Variants in ARID3A observed in about 807,000 individuals in gnomAD.
The protein encoded by ARID3A is AT-rich interactive domain-containing protein 3A.
In ARID3A, 11 loss-of-function variants were observed where a neutral mutation model predicts 52.7. The ratio of observed to expected loss-of-function variants is 0.21; its 90% CI spans 0.13 to 0.35. ARID3A has a LOEUF of 0.35. Among genes scored for constraint, ARID3A ranks in the 10% least tolerant of loss-of-function variants. The pLI is 1.00. For synonymous variants in ARID3A, 404 were observed against 359.4 expected, an observed-to-expected ratio of 1.12 and a Z score of -1.40; for missense variants, 721 against 838.5, an observed-to-expected ratio of 0.86 and a Z score of 1.73.
Position 938,873 on chromosome 19 carries a change from A to G in ARID3A, c.693+6131A>G, listed in dbSNP as rs1288826068. On this transcript the variant is annotated intron_variant, in intron 3 of 8. Coordinates refer to ENST00000263620, the MANE Select transcript of ARID3A (RefSeq NM_005224.3). This position sits in a 1 kb window ranked among gnomAD's most constrained non-coding sequence, Gnocchi z 4.0. ...TTTTTGGTCTTTTTTTGGTCTTTTC[A>G]GCTCATTTGTTTTTTTTAATTGTGG... Among the ~76,000 whole-genome samples, 1 of 150,520 alleles carries G rather than the reference A, an allele frequency of 6.6e-6. No homozygotes were observed. The highest frequency in any genetic ancestry group is 2.4e-5 in the African/African-American group (1 of 40,880).
At position 929,317 on chromosome 19, in the gene ARID3A, C is replaced by A; in HGVS notation, c.-212C>A. ...CCAGCCTCTGTCCCCTGGAGCCCAG[C>A]GTGAGGAAGAGGCATGCCCCATCAG... On this transcript the variant is annotated 5_prime_UTR_variant, in exon 2 of 9. Transcript: ENST00000263620. This position sits in a 1 kb window ranked among gnomAD's most constrained non-coding sequence, Gnocchi z 6.2. 1 of 517,480 alleles carries A rather than the reference C, an allele frequency of 1.9e-6. No homozygotes were observed. Among genetic ancestry groups the A allele is most frequent in the Non-Finnish European group, 2.7e-6 (1 of 368,384 alleles). 32.1% of individuals were successfully genotyped at this position (517,480 alleles called of 1,614,324 possible).
rs952324859 is a variant in ARID3A at position 975,234 on chromosome 19, G to T, written c.*3169G>T. Reference sequence around the variant, plus strand: ...GGACCGTGGGGCCTGGCTGCGTACTGAGTGGGTGCCCCACAGTCAAGGCCA... The same window carrying T: ...GGACCGTGGGGCCTGGCTGCGTACTTAGTGGGTGCCCCACAGTCAAGGCCA... On this transcript the variant is annotated 3_prime_UTR_variant, in exon 9 of 9. Transcript: ENST00000263620. The T allele has an allele frequency of 8.6e-6, 2 of 231,764 alleles. No individual in the cohort carries two copies. Among genetic ancestry groups the T allele is most frequent in the African/African-American group, 4.4e-5 (2 of 45,242 alleles). 14.4% of individuals were successfully genotyped at this position (231,764 alleles called of 1,614,324 possible).
intron 3 of ARID3A, among the ~76,000 whole-genome samples, chr19:946,912 GC>G (rs1248857453): frequency 6.6e-6 from 1 of 151,518 alleles, no homozygotes; most frequent in African/African-American, 2.4e-5. Context: ...TCCTGCCTCA[GC>G]CCCCTGAGTA....
At chr19:950,107 CCG>C (rs2037774226) in intron 3 of ARID3A, among the ~76,000 whole-genome samples, 2 of 95,600 alleles carry the variant, frequency 2.1e-5, no homozygotes, top group African/African-American at 8.2e-5. Flanking sequence ...ATGGATGAGG[CCG>C]TCCCCAGAGT....
At chr19:943,988 C>T (rs529727724) in intron 3 of ARID3A, among the ~76,000 whole-genome samples, 4 of 125,160 alleles carry the variant, frequency 3.2e-5, no homozygotes, top group South Asian at 2.6e-4. Context: ...TATGCCAGCC[C>T]GACCCTCTCA....
intron 3 of ARID3A, chr19:957,892 C>A (rs1457144885): frequency 3.3e-5 from 5 of 151,572 alleles, no homozygotes; most frequent in African/African-American, 1.2e-4. Flanking sequence ...AGGCGGATCA[C>A]TTGAGGTCAG....
chr19:957,573 G>C (rs1377787743), intron 3 of ARID3A, among the ~76,000 whole-genome samples: 1 of 152,216 alleles, frequency 6.6e-6, no homozygotes, highest in Non-Finnish European at 1.5e-5. Context: ...GAGGGCGGTG[G>C]CTCCCGCCTG....
intron 8 of ARID3A, among the ~76,000 whole-genome samples, chr19:969,797 C>T (rs1008013117): frequency 3.3e-5 from 5 of 150,426 alleles, no homozygotes; most frequent in African/African-American, 4.9e-5. Flanking sequence ...GAGCGATTCT[C>T]CTGCCTCAGC....
At chr19:943,662 C>T (rs922553739) in intron 3 of ARID3A, among the ~76,000 whole-genome samples, 4 of 152,170 alleles carry the variant, frequency 2.6e-5, no homozygotes, top group Non-Finnish European at 4.4e-5. Flanking sequence ...GCGATGTGGC[C>T]ACAAGCCAAG....
chr19:928,324 G>A (rs1261388741), intron 1 of ARID3A: 1 of 152,148 alleles, frequency 6.6e-6, no homozygotes, highest in Non-Finnish European at 1.5e-5. Context: ...GGGCTAGGGG[G>A]TGGCTCGGGT....
chr19:931,567 C>G (rs1476917355), intron 2 of ARID3A, among the ~76,000 whole-genome samples: 1 of 152,048 alleles, frequency 6.6e-6, no homozygotes, highest in Non-Finnish European at 1.5e-5. Flanking sequence ...AATCCCAGCA[C>G]TTTGGGAGGC....
intron 3 of ARID3A, among the ~76,000 whole-genome samples, chr19:948,036 C>G (rs917856014): frequency 6.6e-6 from 1 of 152,142 alleles, no homozygotes; most frequent in South Asian, 2.1e-4. Context: ...GGCCTGAGGT[C>G]ACACAGCAGA....
chr19:948,569 G>A (rs1314666988), intron 3 of ARID3A, among the ~76,000 whole-genome samples: 4 of 151,858 alleles, frequency 2.6e-5, no homozygotes, highest in African/African-American at 9.7e-5. Context: ...CCTGCCCCCC[G>A]TGCCCTCCTC....
chr19:966,811 C>G lies in ARID3A; in HGVS notation c.1438C>G (p.Gln480Glu). ...ACGGCTGATGCAACGTGCACTCCAG[C>G]AGAACTTCCTGGCCATGGCGGCCCA... ...QQRLMQRALQQNFLAMAAQLP... is the reference protein window; with the variant it reads ...QQRLMQRALQENFLAMAAQLP... Residue 480 changes from glutamine (Q) to glutamate (E), a missense_variant, in exon 7 of 9, where the codon CAG becomes GAG. This residue lies in a region of ARID3A where 297 missense variants were observed against 343.2 expected (regional missense o/e 0.87). Coordinates refer to ENST00000263620, the MANE Select transcript of ARID3A (RefSeq NM_005224.3). The G allele has an allele frequency of 6.2e-7, 1 of 1,613,590 alleles. No individual in the cohort carries two copies. The highest frequency in any genetic ancestry group is 8.5e-7 in the Non-Finnish European group (1 of 1,179,902).
At chr19:930,510 G>T (rs1391699907) in intron 2 of ARID3A, among the ~76,000 whole-genome samples, 3 of 148,766 alleles carry the variant, frequency 2.0e-5, no homozygotes, top group Non-Finnish European at 4.4e-5. Flanking sequence ...CAAGAATGTG[G>T]GTTTTTTTTT....
At chr19:969,670 GAT>G (rs140013157) in intron 8 of ARID3A, among the ~76,000 whole-genome samples, 145,095 of 147,558 alleles carry the variant, frequency 0.98, 71,399 homozygotes, top group East Asian at 1. Flanking sequence ...TATCTACATA[GAT>G]ATATATATAT....
intron 1 of ARID3A, among the ~76,000 whole-genome samples, chr19:926,754 G>C (rs1865484811): frequency 6.6e-6 from 1 of 151,548 alleles, no homozygotes; most frequent in Admixed American, 6.6e-5. Context: ...CCCGTTTCAG[G>C]GCCCCCCAGA....
chr19:968,534 A>G, intron 8 of ARID3A, 31 bp downstream of exon 8: 2 of 1,599,084 alleles, frequency 1.3e-6, no homozygotes, highest in Non-Finnish European at 1.7e-6. Flanking sequence ...CCCTGCCTGG[A>G]CCTCGCCTCT....
chr19:939,726 C>A (rs772236997), intron 3 of ARID3A, among the ~76,000 whole-genome samples: 2 of 152,024 alleles, frequency 1.3e-5, no homozygotes, highest in Non-Finnish European at 2.9e-5. Flanking sequence ...TATGGACGTT[C>A]CCCTCGTGGC....
Sources: gnomAD v4.1 joint callset for allele counts (sites outside exome capture counted in the v4.1 genomes callset) on GRCh38, gnomAD v4.1.1 for gene constraint, gnomAD v4.1.1 regional missense constraint, Gnocchi (gnomAD v3.1) non-coding constraint, MANE v1.5 for transcripts, NCBI Gene and HGNC (gene_info 2026-07-23, HGNC 2026-07-21) for gene names.